Variants in MAP4K4 observed in about 807,000 individuals in gnomAD.
MAP4K4 encodes the protein HPK/GCK-like kinase HGK.
A neutral mutation model predicts 189.6 loss-of-function variants in MAP4K4; 38 were observed. The observed-to-expected ratio is 0.20, with a 90% CI of 0.15 to 0.26. The LOEUF (loss-of-function observed/expected upper bound fraction) is 0.26. MAP4K4 is among the 10% of genes least tolerant of loss of function. MAP4K4 has a pLI of 1.00. For missense variants in MAP4K4, 1,054 were observed against 1,726.9 expected (o/e 0.61, Z 6.91); for synonymous variants, 610 against 624.3 (o/e 0.98, Z 0.34).
intron 3 of MAP4K4, among the ~76,000 whole-genome samples, chr2:101,814,585 A>T (rs1317691992): frequency 6.6e-6 from 1 of 152,238 alleles, no homozygotes; most frequent in Non-Finnish European, 1.5e-5. Context: ...GTGTACACAC[A>T]TGGAAACTAA....
At chr2:101,798,841 C>T (rs1384835467) in intron 3 of MAP4K4, among the ~76,000 whole-genome samples, 1 of 152,178 alleles carries the variant, frequency 6.6e-6, no homozygotes, top group Non-Finnish European at 1.5e-5. Flanking sequence ...TTATAATTTT[C>T]CATGTCATTC....
exon 12 of MAP4K4, chr2:101,844,182 G>T: frequency 6.2e-7 from 1 of 1,611,276 alleles, no homozygotes. Flanking sequence ...AACGTTCCGA[G>T]GCTCTTCGGA....
chr2:101,703,491 G>A (rs1362230084), intron 2 of MAP4K4, among the ~76,000 whole-genome samples: 2 of 151,582 alleles, frequency 1.3e-5, no homozygotes, highest in Middle Eastern at 3.4e-3. Flanking sequence ...GGTGGTGTAC[G>A]CCTGTAATCC....
At chr2:101,883,736 A>G (rs2098442405) in intron 28 of MAP4K4, among the ~76,000 whole-genome samples, 1 of 152,088 alleles carries the variant, frequency 6.6e-6, no homozygotes, top group Non-Finnish European at 1.5e-5. Flanking sequence ...AAATATATAC[A>G]TCATCAGTTC....
At chr2:101,876,633 A>C (rs1031703649) in intron 26 of MAP4K4, among the ~76,000 whole-genome samples, 2 of 152,202 alleles carry the variant, frequency 1.3e-5, no homozygotes, top group African/African-American at 4.8e-5. Context: ...GGTTTGTTCA[A>C]ATGTGTGATG....
At chr2:101,793,317 T>C (rs553620091) in intron 3 of MAP4K4, among the ~76,000 whole-genome samples, 161 of 152,330 alleles carry the variant, frequency 1.1e-3, no homozygotes, top group Non-Finnish European at 1.9e-3. Flanking sequence ...TCATTGCCCA[T>C]AGTAAGTGTT....
At chr2:101,767,902 C>T (rs950881094) in intron 2 of MAP4K4, among the ~76,000 whole-genome samples, 2 of 152,188 alleles carry the variant, frequency 1.3e-5, no homozygotes, top group African/African-American at 4.8e-5. Context: ...CCCCTCACCC[C>T]CCCTTACTTT....
chr2:101,798,833 A>G (rs1400703857), intron 3 of MAP4K4, among the ~76,000 whole-genome samples: 6 of 152,240 alleles, frequency 3.9e-5, no homozygotes, highest in Admixed American at 3.3e-4. Context: ...TGCAATATTT[A>G]TAATTTTCCA....
At position 101,855,938 on chromosome 2, in the gene MAP4K4, G is replaced by A. The variant is rs190789720; in HGVS notation, c.1234-39G>A. ...ACTATAACATCATGAGAAAGATGGC[G>A]GGAAGATCCCTGGTAATTATACATT... On this transcript the variant is annotated intron_variant, in intron 12 of 32. Coordinates refer to ENST00000324219, the Ensembl canonical transcript of MAP4K4. The A allele has an allele frequency of 2.4e-4, 368 of 1,533,566 alleles. 1 individual carries two copies. The African/African-American group carries it at 4.5e-3, about 19-fold the overall frequency. The allele number at this position is 1,533,566 out of a possible 1,614,324, so 95.0% of individuals were successfully genotyped here.
intron 28 of MAP4K4, among the ~76,000 whole-genome samples, chr2:101,883,381 G>A (rs796663635): frequency 1.3e-5 from 2 of 152,136 alleles, no homozygotes; most frequent in African/African-American, 4.8e-5. Flanking sequence ...ACCCAGGCTG[G>A]AGCGCAATGG....
chr2:101,742,506 A>C (rs937413300), intron 2 of MAP4K4, among the ~76,000 whole-genome samples: 3 of 145,450 alleles, frequency 2.1e-5, no homozygotes, highest in African/African-American at 7.3e-5. Context: ...TTCTCCCTCT[A>C]GGATGTTTAC....
rs187087913 is a variant in MAP4K4 at position 101,724,703 on chromosome 2, T to C, written c.123+26165T>C. On this transcript the variant is annotated intron_variant, in intron 2 of 32. Transcript: ENST00000324219. ...GTAGTTCTCTTCCACCTGTGGGTGA[T>C]TCGCCTTGAGAGATTACAAAACAAA... 3.5e-3 allele frequency among the ~76,000 whole-genome samples: 534 copies of C among 152,338 alleles called. 2 individuals are homozygous for C. Among genetic ancestry groups the C allele is most frequent in the African/African-American group, 0.012 (518 of 41,580 alleles).
At chr2:101,816,456 G>C (rs549611326) in intron 3 of MAP4K4, among the ~76,000 whole-genome samples, 2 of 152,170 alleles carry the variant, frequency 1.3e-5, no homozygotes, top group African/African-American at 4.8e-5. Flanking sequence ...CTGTTTTTAA[G>C]GTTTTAGACA....
At chr2:101,882,619 G>C in exon 28 of MAP4K4, 2 of 1,612,244 alleles carry the variant, frequency 1.2e-6, no homozygotes, top group Non-Finnish European at 1.7e-6. Flanking sequence ...CAATGATCCA[G>C]AAGTTGAGAA....
At chr2:101,870,494 C>T (rs2097956515) in intron 23 of MAP4K4, 79 bp downstream of exon 23, 1 of 1,558,928 alleles carries the variant, frequency 6.4e-7, no homozygotes, top group South Asian at 1.2e-5. Context: ...CTCACTCATG[C>T]TGTTTCTCCA....
intron 26 of MAP4K4, among the ~76,000 whole-genome samples, chr2:101,876,409 A>G (rs1341633446): frequency 6.6e-6 from 1 of 152,194 alleles, no homozygotes; most frequent in Non-Finnish European, 1.5e-5. Context: ...AAATCACAAT[A>G]TTTTGATAGT....
In MAP4K4 at chr2:101,844,218, G is replaced by A. The variant is rs2097016127; in HGVS notation, c.1140G>A (p.Gln380=). Residue 380 remains glutamine (Q), a synonymous_variant, in exon 12 of 33, where the codon CAG becomes CAA. Transcript: ENST00000324219. ...GACAACAGTTACTACAGGAGCAACA[G>A]CTCCGGGAGCAGGAAGAATATAAAA... 7.5e-6 allele frequency: 12 copies of A among 1,600,904 alleles called. No individual in the cohort carries two copies. The East Asian group carries it at 2.7e-4, about 36-fold the overall frequency.
intron 2 of MAP4K4, among the ~76,000 whole-genome samples, chr2:101,701,193 A>G (rs1455162804): frequency 1.3e-5 from 2 of 152,196 alleles, no homozygotes; most frequent in Admixed American, 1.3e-4. Context: ...ATTAGCGCAG[A>G]TGTTGCTTAT....
chr2:101,706,811 T>C (rs1156501988), intron 2 of MAP4K4, among the ~76,000 whole-genome samples: 5 of 152,198 alleles, frequency 3.3e-5, no homozygotes, highest in Admixed American at 3.3e-4. Flanking sequence ...CTAGTAGTTT[T>C]AAAAGAAAGG....
Sources: gnomAD v4.1 joint callset for allele counts (sites outside exome capture counted in the v4.1 genomes callset) on GRCh38, gnomAD v4.1.1 for gene constraint, MANE v1.5 for transcripts, NCBI Gene and HGNC (gene_info 2026-07-23, HGNC 2026-07-21) for gene names.